Variants in C5 observed in about 807,000 individuals in gnomAD.
The protein encoded by C5 is C3 and PZP-like alpha-2-macroglobulin domain-containing protein 4.
In C5, 140 loss-of-function variants were observed where a neutral mutation model predicts 218.8. The observed-to-expected ratio is 0.64, with a 90% CI of 0.56 to 0.74. C5 has a LOEUF of 0.74. C5 is among the 30% of genes least tolerant of loss of function. The pLI is 0.00. For missense variants in C5, 1,700 were observed against 1,969.6 expected, an observed-to-expected ratio of 0.86 and a Z score of 2.59; for synonymous variants, 614 against 682.3, an observed-to-expected ratio of 0.90 and a Z score of 1.56.
At chr9:121,059,900 C>T in the C5 span, among the ~76,000 whole-genome samples, 2 of 152,202 alleles carry the variant, frequency 1.3e-5, no homozygotes, top group African/African-American at 4.8e-5. The surrounding 1 kb of genome is among the most constrained non-coding windows in gnomAD (Gnocchi z 4.1). Flanking sequence ...TGCAGCCCAG[C>T]TGTCATCTTG....
intron 1 of C5, among the ~76,000 whole-genome samples, chr9:121,049,639 G>A (rs1443882649): frequency 3.9e-5 from 6 of 152,006 alleles, no homozygotes; most frequent in African/African-American, 1.5e-4. Flanking sequence ...ATGATCTGCA[G>A]TTACTTTTCA....
At chr9:121,018,086 C>G (rs1322100457) in intron 12 of C5, among the ~76,000 whole-genome samples, 1 of 151,280 alleles carries the variant, frequency 6.6e-6, no homozygotes, top group Non-Finnish European at 1.5e-5. Context: ...AACACCATCT[C>G]TACTAAAAAT....
chr9:120,976,547 C>T (rs137935321), intron 29 of C5, among the ~76,000 whole-genome samples, 153 bp downstream of exon 29: 6 of 152,258 alleles, frequency 3.9e-5, no homozygotes, highest in East Asian at 3.9e-4. Context: ...AGAGTGTTGA[C>T]GCAGATAACC....
chr9:121,023,297 T>G, intron 10 of C5, 107 bp downstream of exon 10: 1 of 801,756 alleles, frequency 1.2e-6, no homozygotes, highest in Non-Finnish European at 2.2e-6. Flanking sequence ...ATAAGCTCCC[T>G]CTGTGACTTC....
At chr9:120,993,137 A>C (rs1362825588) in intron 22 of C5, among the ~76,000 whole-genome samples, 2 of 152,214 alleles carry the variant, frequency 1.3e-5, no homozygotes, top group African/African-American at 4.8e-5. Context: ...TAAAAATGCC[A>C]CATTTTAGAG....
At chr9:120,972,056 A>T in intron 30 of C5, 64 bp from the exon 31 acceptor site, 1 of 1,379,598 alleles carries the variant, frequency 7.2e-7, no homozygotes, top group Non-Finnish European at 1.0e-6. Flanking sequence ...GGGAGGATAG[A>T]GCTATGAAAA....
intron 8 of C5, 39 bp downstream of exon 8, chr9:121,027,121 G>T: frequency 2.0e-6 from 2 of 1,020,890 alleles, no homozygotes; most frequent in Non-Finnish European, 3.1e-6. Context: ...ACCTCTGGAT[G>T]CATCTGTAGG....
intron 20 of C5, among the ~76,000 whole-genome samples, chr9:121,002,818 TA>T (rs2047183355): frequency 6.6e-6 from 1 of 152,140 alleles, no homozygotes. Flanking sequence ...TACAGCTTCT[TA>T]ATCAAGGTCC....
At chr9:120,977,182 T>A (rs1416890405) in intron 28 of C5, among the ~76,000 whole-genome samples, 2 of 152,186 alleles carry the variant, frequency 1.3e-5, no homozygotes, top group Non-Finnish European at 2.9e-5. Context: ...GGTGGGTAAT[T>A]TCACCCCTGA....
chr9:120,998,016 T>G (rs1218583484), intron 20 of C5, among the ~76,000 whole-genome samples: 1 of 152,132 alleles, frequency 6.6e-6, no homozygotes, highest in Admixed American at 6.5e-5. Context: ...TTGGCCAGGC[T>G]GATCTCGAAC....
intron 20 of C5, among the ~76,000 whole-genome samples, chr9:121,005,598 A>G (rs1395372027): frequency 6.6e-6 from 1 of 152,212 alleles, no homozygotes; most frequent in African/African-American, 2.4e-5. Flanking sequence ...GAATCAAGGA[A>G]ATCAAGGAAC....
intron 11 of C5, 137 bp from the exon 12 acceptor site, chr9:121,020,316 C>A: frequency 1.4e-6 from 1 of 717,888 alleles, no homozygotes; most frequent in South Asian, 1.7e-5. Flanking sequence ...AAAAACCCTC[C>A]ATTACTTCAG....
intron 33 of C5, among the ~76,000 whole-genome samples, chr9:120,967,723 CTTTTTTTTTTTA>C: frequency 6.9e-6 from 1 of 145,324 alleles, no homozygotes; most frequent in East Asian, 2.0e-4. Flanking sequence ...TTTTCTTTTT[CTTTTTTTTTTTA>C]TTTGGAGACA....
chr9:120,971,518 A>G (rs1213810382), intron 31 of C5, among the ~76,000 whole-genome samples: 1 of 152,146 alleles, frequency 6.6e-6, no homozygotes, highest in African/African-American at 2.4e-5. Flanking sequence ...GGCTCACTGC[A>G]ACCTCTGCCT....
At chr9:121,064,439 G>C in the C5 span, among the ~76,000 whole-genome samples, 4 of 152,048 alleles carry the variant, frequency 2.6e-5, no homozygotes, top group African/African-American at 9.7e-5. Context: ...TACATTTCCT[G>C]ATAGTTCTTA....
At chr9:121,041,436 C>T (rs1434933154) in intron 3 of C5, among the ~76,000 whole-genome samples, 1 of 151,004 alleles carries the variant, frequency 6.6e-6, no homozygotes, top group Non-Finnish European at 1.5e-5. Context: ...TCCAGAGTAG[C>T]TGGGATTACA....
chr9:121,041,892 C>T (rs192938444), intron 3 of C5, among the ~76,000 whole-genome samples: 1 of 152,306 alleles, frequency 6.6e-6, no homozygotes, highest in East Asian at 1.9e-4. Context: ...AAGTAGATAG[C>T]AATATCTCCA....
intron 30 of C5, among the ~76,000 whole-genome samples, chr9:120,974,509 G>A (rs577385612): frequency 6.6e-6 from 1 of 152,294 alleles, no homozygotes; most frequent in East Asian, 1.9e-4. Flanking sequence ...CCAGGATCAG[G>A]AGGGCCCCTC....
At chr9:121,071,726 G>C in the C5 span, among the ~76,000 whole-genome samples, 1 of 152,148 alleles carries the variant, frequency 6.6e-6, no homozygotes, top group African/African-American at 2.4e-5. Flanking sequence ...GTCACAGAAA[G>C]AAATGGCAAT....
Sources: gnomAD v4.1 joint callset for allele counts (sites outside exome capture counted in the v4.1 genomes callset) on GRCh38, gnomAD v4.1.1 for gene constraint, Gnocchi (gnomAD v3.1) non-coding constraint, MANE v1.5 for transcripts, NCBI Gene and HGNC (gene_info 2026-07-23, HGNC 2026-07-21) for gene names.